ROBO2: variants seen among roughly 807,000 people sequenced by gnomAD.
ROBO2 encodes the protein roundabout guidance receptor 2.
Under a neutral mutation model 160.8 loss-of-function variants are expected in ROBO2, and 53 were observed. That is an observed-to-expected ratio of 0.33 (90% confidence interval 0.26 to 0.41). ROBO2 has a LOEUF of 0.41. Ranked by LOEUF, ROBO2 falls within the 10% of genes least tolerant of loss-of-function variation. ROBO2 has a pLI of 1.00. For synonymous variants in ROBO2, 664 were observed against 611.7 expected, an observed-to-expected ratio of 1.09 and a Z score of -1.26; for missense variants, 1,577 against 1,722.4, an observed-to-expected ratio of 0.92 and a Z score of 1.49.
chr3:76,762,237 G>A (rs2061345813), intron 2 of ROBO2, among the ~76,000 whole-genome samples: 1 of 151,426 alleles, frequency 6.6e-6, no homozygotes, highest in Non-Finnish European at 1.5e-5. Context: ...TGTTTCTGAT[G>A]AATTTGAACA....
At chr3:77,436,492 T>G (rs1296079879) in intron 2 of ROBO2, among the ~76,000 whole-genome samples, 10 of 151,870 alleles carry the variant, frequency 6.6e-5, no homozygotes, top group Admixed American at 5.3e-4. Flanking sequence ...GCTTGTTACA[T>G]TTTAAGAGCA....
At position 76,323,042 on chromosome 3, in the gene ROBO2, C is replaced by G. The variant is rs1319223526; in HGVS notation, c.109+385440C>G. The stretch of plus-strand genomic sequence containing the variant: ...CTATTTCATGTGGAACAAACAAGGT[C>G]ATATATGCAAAGTAACTAGCAGTGT... On this transcript the variant is annotated intron_variant, in intron 2 of 26. Transcript: ENST00000487694. Among the ~76,000 whole-genome samples, 3 of 151,946 alleles carry G rather than the reference C, an allele frequency of 2.0e-5. No homozygotes were observed. In the South Asian group the frequency reaches 6.2e-4, roughly 32 times the overall value.
At chr3:77,256,563 A>T (rs1291224676) in intron 2 of ROBO2, among the ~76,000 whole-genome samples, 1 of 152,202 alleles carries the variant, frequency 6.6e-6, no homozygotes, top group Admixed American at 6.5e-5. Context: ...CAGCAGAAAC[A>T]TCTTGACATC....
chr3:76,392,711 A>C (rs1475052054), intron 2 of ROBO2, among the ~76,000 whole-genome samples: 2 of 152,186 alleles, frequency 1.3e-5, no homozygotes, highest in African/African-American at 4.8e-5. Flanking sequence ...GTTTTATAGA[A>C]GATAGATATG....
intron 2 of ROBO2, among the ~76,000 whole-genome samples, chr3:76,229,518 A>G (rs1375089834): frequency 6.6e-6 from 1 of 152,108 alleles, no homozygotes. Context: ...AGCCTACTCA[A>G]TTATTCTTAA....
At chr3:77,019,507 A>C (rs932095667) in intron 2 of ROBO2, among the ~76,000 whole-genome samples, 28 of 152,324 alleles carry the variant, frequency 1.8e-4, no homozygotes, top group South Asian at 1.0e-3. Flanking sequence ...AGTATAAGGC[A>C]GGAAGAAGAG....
intron 2 of ROBO2, among the ~76,000 whole-genome samples, chr3:77,407,508 G>A (rs952856692): frequency 4.6e-5 from 7 of 152,170 alleles, no homozygotes; most frequent in African/African-American, 1.7e-4. Context: ...TTTTGGAGGA[G>A]TTAAGGGAAA....
chr3:76,382,898 G>A (rs536885681), intron 2 of ROBO2, among the ~76,000 whole-genome samples: 2 of 152,230 alleles, frequency 1.3e-5, no homozygotes, highest in East Asian at 3.9e-4. Context: ...AGACTTAGAG[G>A]TTATAAGGAA....
chr3:77,052,646 G>A (rs1028970246), intron 1 of ROBO2, among the ~76,000 whole-genome samples: 2 of 151,984 alleles, frequency 1.3e-5, no homozygotes, highest in Non-Finnish European at 1.5e-5. Flanking sequence ...TGTTAATTGT[G>A]GCTACTGTCA....
At chr3:77,190,511 T>C (rs1020033997) in intron 2 of ROBO2, among the ~76,000 whole-genome samples, 1 of 151,992 alleles carries the variant, frequency 6.6e-6, no homozygotes, top group Admixed American at 6.6e-5. Context: ...TATTTTCTTT[T>C]CAGACAAAAC....
At chr3:77,385,739 C>T (rs901994379) in intron 2 of ROBO2, among the ~76,000 whole-genome samples, 2 of 152,150 alleles carry the variant, frequency 1.3e-5, no homozygotes, top group African/African-American at 4.8e-5. Flanking sequence ...CTCTCAGTTA[C>T]ATGAAGTTCC....
At chr3:77,215,337 C>G (rs1377555245) in intron 2 of ROBO2, among the ~76,000 whole-genome samples, 3 of 152,182 alleles carry the variant, frequency 2.0e-5, no homozygotes, top group Non-Finnish European at 2.9e-5. Context: ...ATTTGGTCTT[C>G]CATCACTGAT....
At chr3:77,090,478 C>T (rs948655690) in intron 1 of ROBO2, among the ~76,000 whole-genome samples, 4 of 151,026 alleles carry the variant, frequency 2.6e-5, no homozygotes, top group South Asian at 2.1e-4. Flanking sequence ...CTCAGTCTCC[C>T]GAGTAGCTGG....
At chr3:76,364,229 A>C (rs1004108270) in intron 2 of ROBO2, among the ~76,000 whole-genome samples, 4 of 151,954 alleles carry the variant, frequency 2.6e-5, no homozygotes, top group Non-Finnish European at 5.9e-5. Context: ...TTTAACTGAC[A>C]CTCCAGGAAT....
chr3:77,216,255 C>T (rs1177603513), intron 2 of ROBO2, among the ~76,000 whole-genome samples: 1 of 152,166 alleles, frequency 6.6e-6, no homozygotes, highest in African/African-American at 2.4e-5. Flanking sequence ...CTTTGTTTAC[C>T]TACTCAAGCC....
At chr3:75,920,811 G>A (rs1433632022) in intron 1 of ROBO2, among the ~76,000 whole-genome samples, 6 of 151,456 alleles carry the variant, frequency 4.0e-5, no homozygotes, top group Admixed American at 2.0e-4. Context: ...ATCTTTGTTG[G>A]TTCAAAGTCT....
chr3:77,292,683 G>A lies in ROBO2; in HGVS notation c.389-184731G>A, dbSNP rs188512143. ...CATAAAGTAAAATTGACGGTTAAAC[G>A]GGTAAGCTGAGGCTAGATCACCCCA... On this transcript the variant is annotated intron_variant, in intron 2 of 25. Transcript: ENST00000461745. Among the ~76,000 whole-genome samples, 529 of 148,712 alleles carry A rather than the reference G, an allele frequency of 3.6e-3. 4 individuals carry two copies. Among genetic ancestry groups the A allele is most frequent in the African/African-American group, 0.012 (507 of 41,206 alleles).
chr3:77,481,871 G>T (rs1010758151), intron 4 of ROBO2, among the ~76,000 whole-genome samples: 1 of 152,046 alleles, frequency 6.6e-6, no homozygotes, highest in African/African-American at 2.4e-5. Flanking sequence ...GGAGAAAACT[G>T]GGGACAAATA....
At chr3:77,201,620 G>T (rs1326735940) in intron 2 of ROBO2, among the ~76,000 whole-genome samples, 1 of 152,136 alleles carries the variant, frequency 6.6e-6, no homozygotes, top group South Asian at 2.1e-4. Context: ...ATAAAAGTAT[G>T]TTGGTCTGTT....
Sources: allele counts gnomAD v4.1 joint callset (sites outside exome capture counted in the v4.1 genomes callset), GRCh38; gene constraint gnomAD v4.1.1; transcripts MANE v1.5; gene names NCBI Gene and HGNC (gene_info 2026-07-23, HGNC 2026-07-21).